Variants in RSBN1 observed in about 807,000 individuals in gnomAD.
The protein encoded by RSBN1 is lysine-specific demethylase 9.
In RSBN1, 23 loss-of-function variants were observed where a neutral mutation model predicts 74.8. The ratio of observed to expected loss-of-function variants is 0.31; its 90% CI spans 0.22 to 0.44. The LOEUF is 0.44. Among genes scored for constraint, RSBN1 ranks in the 20% least tolerant of loss-of-function variants. RSBN1 has a pLI of 1.00. For missense variants in RSBN1, 808 were observed against 1,020.9 expected (o/e 0.79, Z 2.84); for synonymous variants, 407 against 379.6 (o/e 1.07, Z -0.84).
chr1:113,803,006 T>C (rs1463751243), intron 1 of RSBN1, among the ~76,000 whole-genome samples: 3 of 152,212 alleles, frequency 2.0e-5, no homozygotes, highest in Non-Finnish European at 4.4e-5. Flanking sequence ...TGCCTATTCA[T>C]GCAACCCTCT....
chr1:113,798,710 T>C (rs6703387), intron 1 of RSBN1, among the ~76,000 whole-genome samples: 33,088 of 152,144 alleles, frequency 0.22, 4,518 homozygotes, highest in South Asian at 0.39. Context: ...AAGAAAATAA[T>C]TGAAGATTAT....
intron 1 of RSBN1, among the ~76,000 whole-genome samples, chr1:113,802,007 G>A (rs1660594727): frequency 6.6e-6 from 1 of 150,976 alleles, no homozygotes; most frequent in Admixed American, 6.6e-5. Context: ...CAGGCTGGAG[G>A]GCAGTGGCGC....
rs540914785 is a variant in RSBN1, at chr1:113,775,110, C to T, written c.1658+2100G>A. 6.0e-5 allele frequency among the ~76,000 whole-genome samples: 9 copies of T among 151,108 alleles called. No individual in the cohort carries two copies. The East Asian group carries it at 1.2e-3, about 20-fold the overall frequency. On this transcript the variant is annotated intron_variant, in intron 4 of 6. Coordinates refer to ENST00000261441, the MANE Select transcript of RSBN1 (RefSeq NM_018364.5). The stretch of plus-strand genomic sequence containing the variant: ...CACAATCTCGGCTCACTGCAACCTT[C>T]GCCTCCCAGGTTCAAGCAATTCTCC...
At chr1:113,783,353 G>T (rs1660173751) in intron 2 of RSBN1, among the ~76,000 whole-genome samples, 1 of 151,518 alleles carries the variant, frequency 6.6e-6, no homozygotes, top group African/African-American at 2.4e-5. Flanking sequence ...TTTAATAAAT[G>T]CAAATGTTTG....
chr1:113,780,694 A>G (rs1660121791), intron 2 of RSBN1, among the ~76,000 whole-genome samples: 1 of 152,240 alleles, frequency 6.6e-6, no homozygotes, highest in South Asian at 2.1e-4. Context: ...CCTTTGTGTG[A>G]GTACCAATGT....
intron 1 of RSBN1, among the ~76,000 whole-genome samples, chr1:113,801,976 T>G (rs890421711): frequency 6.6e-6 from 1 of 151,912 alleles, no homozygotes; most frequent in Non-Finnish European, 1.5e-5. Flanking sequence ...TTTTTTTTTT[T>G]GATAGGGTTT....
chr1:113,769,938 G>A (rs774286289), intron 4 of RSBN1, among the ~76,000 whole-genome samples: 3 of 152,178 alleles, frequency 2.0e-5, no homozygotes, highest in Non-Finnish European at 2.9e-5. Flanking sequence ...ACATGGAGTA[G>A]ACTATGGCTA....
chr1:113,797,720 G>A lies in RSBN1; in HGVS notation c.1020C>T (p.His340=). ...PQGVQTPFMT[H]QEHSIRRNFL... ...AATTTCTACGAATAGAATGTTCCTG[G>A]TGAGTCATAAAAGGTGTTTGTACTC... is the stretch of plus-strand genomic sequence containing the variant. The change falls in exon 2 of 7, where the codon CAC becomes CAT. Residue 340 remains histidine (H), a synonymous_variant. Coordinates refer to ENST00000261441, the MANE Select transcript of RSBN1 (RefSeq NM_018364.5). 6.2e-7 allele frequency: 1 copy of A among 1,614,028 alleles called. No homozygotes were observed. The highest frequency in any genetic ancestry group is 8.5e-7 in the Non-Finnish European group (1 of 1,179,984).
At chr1:113,807,067 C>T (rs1660716306) in intron 1 of RSBN1, among the ~76,000 whole-genome samples, 1 of 152,128 alleles carries the variant, frequency 6.6e-6, no homozygotes, top group African/African-American at 2.4e-5. Flanking sequence ...AATCCCAGCA[C>T]TTTGGGAGAC....
chr1:113,776,464 A>G (rs1660028252), intron 4 of RSBN1, among the ~76,000 whole-genome samples: 1 of 152,152 alleles, frequency 6.6e-6, no homozygotes, highest in South Asian at 2.1e-4. Context: ...ACTTCAGCCT[A>G]CCAGGTAGCT....
chr1:113,812,058 G>A lies in RSBN1; in HGVS notation c.355C>T (p.Arg119Cys). 6.5e-7 allele frequency: 1 copy of A among 1,550,008 alleles called. No homozygotes were observed. Among genetic ancestry groups the A allele is most frequent in the Non-Finnish European group, 8.7e-7 (1 of 1,150,706 alleles). ...GGCGGCAGCGGCCCAGGATGTTGGCGGCTGCGACGCCGCCGGTGAGGGGGA... is the reference window on the plus strand; with the variant it reads ...GGCGGCAGCGGCCCAGGATGTTGGCAGCTGCGACGCCGCCGGTGAGGGGGA... ...LAPPHRRRRSRQHPGPLPPTN... is the reference protein window; with the variant it reads ...LAPPHRRRRSCQHPGPLPPTN... Residue 119 changes from arginine (R) to cysteine (C), a missense_variant, in exon 1 of 7, where the codon CGC becomes TGC. Coordinates refer to ENST00000261441, the MANE Select transcript of RSBN1 (RefSeq NM_018364.5).
chr1:113,812,241 C>T lies in RSBN1; in HGVS notation c.172G>A (p.Val58Ile). Residue 58 changes from valine to isoleucine, a missense_variant, in exon 1 of 7, where the codon GTA becomes ATA. By Grantham distance (29) the Val-to-Ile change is conservative. Coordinates refer to ENST00000261441, the MANE Select transcript of RSBN1 (RefSeq NM_018364.5). The stretch of plus-strand genomic sequence containing the variant: ...TCCTGCGCCGCCACCGCCCGTACTA[C>T]GCGCACCGCTCCGACCTGCGCAGCC... ...EMAAQVGAVR[V>I]VRAVAAQEEP... The T allele has an allele frequency of 1.2e-6, 2 of 1,606,490 alleles. No individual in the cohort carries two copies. Among genetic ancestry groups the T allele is most frequent in the Non-Finnish European group, 1.7e-6 (2 of 1,179,880 alleles).
intron 2 of RSBN1, among the ~76,000 whole-genome samples, chr1:113,793,959 G>A (rs918111098): frequency 3.9e-5 from 6 of 152,118 alleles, no homozygotes; most frequent in Non-Finnish European, 8.8e-5. Flanking sequence ...GAGACACCAT[G>A]CCCAGCCTCC....
chr1:113,793,231 G>C (rs1462411141), intron 2 of RSBN1, among the ~76,000 whole-genome samples: 1 of 152,150 alleles, frequency 6.6e-6, no homozygotes, highest in Non-Finnish European at 1.5e-5. Context: ...CTCCCTGGTG[G>C]TGCCAAATTC....
chr1:113,812,240 A>C lies in RSBN1; in HGVS notation c.173T>G (p.Val58Gly), dbSNP rs759680398. 1 of 1,605,952 alleles carries C rather than the reference A, an allele frequency of 6.2e-7. No individual in the cohort carries two copies. The highest frequency in any genetic ancestry group is 1.1e-5 in the South Asian group (1 of 91,062). ...CTCCTGCGCCGCCACCGCCCGTACT[A>C]CGCGCACCGCTCCGACCTGCGCAGC... ...EMAAQVGAVR[V>G]VRAVAAQEEP... Residue 58 changes from valine (V) to glycine (G), a missense_variant, in exon 1 of 7, where the codon GTA becomes GGA. Coordinates refer to ENST00000261441, the MANE Select transcript of RSBN1 (RefSeq NM_018364.5).
At position 113,811,705 on chromosome 1, in the gene RSBN1, C is replaced by T; in HGVS notation, c.703+5G>A. On this transcript the variant is annotated splice_donor_5th_base_variant and intron_variant, in intron 1 of 6. Transcript: ENST00000261441. ...ACCCAAGCCGGGCAGTTTGCCTGCT[C>T]TCACCTCTCTTGGGGGCTTTGATCA... 6.3e-7 allele frequency: 1 copy of T among 1,576,110 alleles called. No homozygotes were observed. The highest frequency in any genetic ancestry group is 8.6e-7 in the Non-Finnish European group (1 of 1,157,594).
At chr1:113,785,418 A>G (rs1454162892) in intron 2 of RSBN1, among the ~76,000 whole-genome samples, 1 of 152,218 alleles carries the variant, frequency 6.6e-6, no homozygotes, top group Non-Finnish European at 1.5e-5. Flanking sequence ...GGTATAGTAA[A>G]TATAGTAAGT....
intron 2 of RSBN1, among the ~76,000 whole-genome samples, chr1:113,790,835 T>C (rs749372676): frequency 1.3e-5 from 2 of 152,176 alleles, no homozygotes; most frequent in Non-Finnish European, 2.9e-5. Flanking sequence ...AGGAATCAAG[T>C]CGGTCAAGGT....
At chr1:113,773,603 T>C (rs764851880) in intron 4 of RSBN1, among the ~76,000 whole-genome samples, 1 of 152,202 alleles carries the variant, frequency 6.6e-6, no homozygotes, top group African/African-American at 2.4e-5. Flanking sequence ...GTGGAGAGTA[T>C]GAGAAAAAGG....
Sources: gnomAD v4.1 joint callset for allele counts (sites outside exome capture counted in the v4.1 genomes callset) on GRCh38, gnomAD v4.1.1 for gene constraint, MANE v1.5 for transcripts, NCBI Gene and HGNC (gene_info 2026-07-23, HGNC 2026-07-21) for gene names.